Variants in THTPA observed in about 807,000 individuals in gnomAD.
The protein encoded by THTPA is thiamine triphosphatase.
THTPA carries 16 observed loss-of-function variants against 16.5 expected under a neutral mutation model. The observed-to-expected ratio is 0.97, with a 90% CI of 0.66 to 1.47. The LOEUF is 1.47. THTPA is among the 40% of genes most tolerant of loss of function. The pLI, the probability that THTPA is intolerant of heterozygous loss-of-function variation, is 0.00. For synonymous variants in THTPA, 110 were observed against 115.5 expected, an observed-to-expected ratio of 0.95 and a Z score of 0.30; for missense variants, 281 against 280.9, an observed-to-expected ratio of 1.00 and a Z score of 0.00.
At chr14:23,528,566 C>T in the THTPA span, 1 of 981,336 alleles carries the variant, frequency 1.0e-6, no homozygotes, top group Non-Finnish European at 1.2e-6. Context: ...TTTCTGGACC[C>T]AGAGGCTCCC....
the THTPA span, among the ~76,000 whole-genome samples, chr14:23,520,470 C>G: frequency 1.3e-5 from 2 of 152,128 alleles, no homozygotes; most frequent in African/African-American, 2.4e-5. The surrounding 1 kb of genome is among the most constrained non-coding windows in gnomAD (Gnocchi z 8.7). Flanking sequence ...AGAAGCAGAT[C>G]TCAGATTCAG....
At chr14:23,545,698 C>T in the THTPA span, among the ~76,000 whole-genome samples, 1 of 152,156 alleles carries the variant, frequency 6.6e-6, no homozygotes, top group East Asian at 1.9e-4. Context: ...GCATCTGTGG[C>T]CCAAGCAGAC....
the THTPA span, chr14:23,534,171 G>C: frequency 8.1e-6 from 12 of 1,474,330 alleles, no homozygotes; most frequent in Non-Finnish European, 9.9e-6. This position sits in a 1 kb window ranked among gnomAD's most constrained non-coding sequence, Gnocchi z 4.5. Context: ...GTGGGGGGCA[G>C]AGCCCTCCAT....
the THTPA span, chr14:23,526,746 T>A: frequency 1.3e-6 from 2 of 1,533,372 alleles, no homozygotes; most frequent in Non-Finnish European, 8.7e-7. Context: ...ACCCACTCAA[T>A]ACCAAGGCAG....
At chr14:23,522,901 C>G in the THTPA span, 2 of 1,471,264 alleles carry the variant, frequency 1.4e-6, no homozygotes, top group Non-Finnish European at 1.8e-6. Context: ...TAGGCAGGAC[C>G]GAAGTGGCGA....
Position 23,556,899 on chromosome 14 carries a change from A to G in THTPA, c.142A>G (p.Met48Val), listed in dbSNP as rs751548311. Residue 48 changes from methionine (M) to valine (V), a missense_variant, in exon 1 of 2, where the codon ATG becomes GTG. Coordinates refer to ENST00000288014, the MANE Select transcript of THTPA (RefSeq NM_024328.6). ...CTATGACACCCCTGAGCTGAGCCTC[A>G]TGCAGGCTGACCACTGGCTGCGACG... ...TYYDTPELSLMQADHWLRRRE... is the reference protein window; with the variant it reads ...TYYDTPELSLVQADHWLRRRE... The G allele has an allele frequency of 1.2e-6, 2 of 1,613,970 alleles. No individual in the cohort carries two copies. Among genetic ancestry groups the G allele is most frequent in the Admixed American group, 1.7e-5 (1 of 59,988 alleles).
chr14:23,523,997 G>T, the THTPA span: 3 of 1,523,136 alleles, frequency 2.0e-6, no homozygotes, highest in Non-Finnish European at 2.6e-6. This position sits in a 1 kb window ranked among gnomAD's most constrained non-coding sequence, Gnocchi z 4.1. Flanking sequence ...TTTCCCAGGT[G>T]GTAGGAAAGG....
At chr14:23,517,373 C>CT in the THTPA span, among the ~76,000 whole-genome samples, 1 of 152,146 alleles carries the variant, frequency 6.6e-6, no homozygotes, top group African/African-American at 2.4e-5. Flanking sequence ...TTCATCTGAT[C>CT]TTTTTATAAT....
chr14:23,534,830 G>C, the THTPA span: 237 of 1,536,192 alleles, frequency 1.5e-4, no homozygotes, highest in African/African-American at 3.0e-3. This position sits in a 1 kb window ranked among gnomAD's most constrained non-coding sequence, Gnocchi z 4.5. Context: ...AGGGCAGTGA[G>C]GTGTGAGGGG....
At chr14:23,512,158 A>G in the THTPA span, among the ~76,000 whole-genome samples, 22 of 152,294 alleles carry the variant, frequency 1.4e-4, no homozygotes, top group South Asian at 8.3e-4. Context: ...GTAGCTAATT[A>G]ATGATTGGGG....
chr14:23,548,767 T>A, the THTPA span, among the ~76,000 whole-genome samples: 1 of 152,196 alleles, frequency 6.6e-6, no homozygotes, highest in Non-Finnish European at 1.5e-5. Flanking sequence ...TTTCTCTCCC[T>A]CTCTTGGGCA....
At chr14:23,535,339 G>A in the THTPA span, 2 of 1,447,042 alleles carry the variant, frequency 1.4e-6, no homozygotes, top group Non-Finnish European at 1.8e-6. This position sits in a 1 kb window ranked among gnomAD's most constrained non-coding sequence, Gnocchi z 4.5. Context: ...AGACGGAGGA[G>A]TGCTGGGGGC....
chr14:23,553,373 G>A (rs1882113222), upstream of THTPA, among the ~76,000 whole-genome samples: 2 of 152,060 alleles, frequency 1.3e-5, no homozygotes, highest in Admixed American at 6.5e-5. Flanking sequence ...GCTGAGGTGG[G>A]TAGATCACCT....
At chr14:23,524,982 C>G in the THTPA span, 1 of 1,536,244 alleles carries the variant, frequency 6.5e-7, no homozygotes. This position sits in a 1 kb window ranked among gnomAD's most constrained non-coding sequence, Gnocchi z 5.6. Context: ...CCCTCACAGG[C>G]ATTTTTGCGT....
At chr14:23,544,329 C>T in the THTPA span, 4 of 151,062 alleles carry the variant, frequency 2.6e-5, no homozygotes, top group Non-Finnish European at 5.9e-5. Flanking sequence ...GAGTTGAGTC[C>T]ATTGAGAGGA....
At chr14:23,549,173 C>T in the THTPA span, among the ~76,000 whole-genome samples, 2 of 152,124 alleles carry the variant, frequency 1.3e-5, no homozygotes, top group East Asian at 1.9e-4. Flanking sequence ...GCTATCAACA[C>T]GTTTTGTTTC....
At chr14:23,551,444 T>G (rs1201499011), upstream of THTPA, 1 of 152,536 alleles carries the variant, frequency 6.6e-6, no homozygotes, top group African/African-American at 2.4e-5. This position sits in a 1 kb window ranked among gnomAD's most constrained non-coding sequence, Gnocchi z 5.3. Flanking sequence ...TCCGATGTGT[T>G]GATTCCTCTT....
At chr14:23,535,245 G>A in the THTPA span, 4 of 1,515,932 alleles carry the variant, frequency 2.6e-6, no homozygotes, top group South Asian at 1.2e-5. This position sits in a 1 kb window ranked among gnomAD's most constrained non-coding sequence, Gnocchi z 4.5. Flanking sequence ...TGGAGGAGAA[G>A]GTGTCCGAAG....
At chr14:23,532,611 G>A in the THTPA span, 2 of 1,453,610 alleles carry the variant, frequency 1.4e-6, no homozygotes, top group Admixed American at 5.1e-5. Context: ...CCCCTGGCAT[G>A]CAGCTGCATC....
Sources: allele counts gnomAD v4.1 joint callset (sites outside exome capture counted in the v4.1 genomes callset), GRCh38; gene constraint gnomAD v4.1.1; non-coding constraint Gnocchi (gnomAD v3.1); transcripts MANE v1.5; gene names NCBI Gene and HGNC (gene_info 2026-07-23, HGNC 2026-07-21).